The following GRM5 variants were observed in gnomAD, a reference collection of about 807,000 sequenced individuals.
GRM5 encodes metabotropic glutamate receptor 5.
A neutral mutation model predicts 83.1 loss-of-function variants in GRM5; 19 were observed. The ratio of observed to expected loss-of-function variants is 0.23; its 90% CI spans 0.16 to 0.34. The LOEUF (loss-of-function observed/expected upper bound fraction) is 0.34, where lower values mean the gene tolerates loss of function less well. Ranked by LOEUF, GRM5 falls within the 10% of genes least tolerant of loss-of-function variation. The pLI is 1.00. For synonymous variants in GRM5, 675 were observed against 633.6 expected (o/e 1.07, Z -0.98); for missense variants, 1,160 against 1,588.3 (o/e 0.73, Z 4.58).
At chr11:88,999,514 A>G (rs2135065876) in intron 2 of GRM5, among the ~76,000 whole-genome samples, 1 of 152,318 alleles carries the variant, frequency 6.6e-6, no homozygotes, top group East Asian at 1.9e-4. Flanking sequence ...CCATCAGAGA[A>G]ATGTAAATGA....
At chr11:88,683,201 A>C (rs550135189) in intron 3 of GRM5, among the ~76,000 whole-genome samples, 1 of 152,286 alleles carries the variant, frequency 6.6e-6, no homozygotes, top group Non-Finnish European at 1.5e-5. Flanking sequence ...TTGTCCCCAC[A>C]AGGCAGTGCA....
At chr11:88,692,242 C>T (rs1565189017) in intron 3 of GRM5, among the ~76,000 whole-genome samples, 1 of 152,172 alleles carries the variant, frequency 6.6e-6, no homozygotes, top group African/African-American at 2.4e-5. Flanking sequence ...ATTTTCTGAT[C>T]TGTCATTCAT....
chr11:88,513,047 C>T (rs977196820), intron 9 of GRM5, among the ~76,000 whole-genome samples: 1 of 152,184 alleles, frequency 6.6e-6, no homozygotes, highest in Non-Finnish European at 1.5e-5. Context: ...CAAATGCTTT[C>T]TCATTGTGCT....
At chr11:88,950,055 T>C (rs1426811918) in intron 2 of GRM5, among the ~76,000 whole-genome samples, 1 of 150,956 alleles carries the variant, frequency 6.6e-6, no homozygotes. Context: ...TTTTGTATTT[T>C]AGTAGAGGTG....
At chr11:88,797,235 C>A (rs1004514450) in intron 3 of GRM5, among the ~76,000 whole-genome samples, 3 of 151,958 alleles carry the variant, frequency 2.0e-5, no homozygotes, top group Non-Finnish European at 4.4e-5. Flanking sequence ...CTGCAACCTC[C>A]GCCTCCTGGG....
chr11:88,686,491 C>A (rs1035346893), intron 3 of GRM5, among the ~76,000 whole-genome samples: 1 of 152,000 alleles, frequency 6.6e-6, no homozygotes, highest in African/African-American at 2.4e-5. Context: ...AGGGAAGACA[C>A]GCTTGGTTTT....
chr11:89,052,713 A>G (rs966426557), intron 1 of GRM5, among the ~76,000 whole-genome samples: 3 of 152,166 alleles, frequency 2.0e-5, no homozygotes, highest in African/African-American at 7.2e-5. Context: ...GAATAGTTAC[A>G]TTACACTTAC....
chr11:88,984,259 T>C lies in GRM5; in HGVS notation c.661+62953A>G, dbSNP rs184467882. On this transcript the variant is annotated intron_variant, in intron 2 of 9. Coordinates refer to ENST00000305447, the MANE Select transcript of GRM5 (RefSeq NM_001143831.3). ...AGCTTCATTCATGGTAAATGACCTATACGGGTGTACCATTTTTTATCTTTT... is the reference window on the plus strand; with the variant it reads ...AGCTTCATTCATGGTAAATGACCTACACGGGTGTACCATTTTTTATCTTTT... Among the ~76,000 whole-genome samples, 12 of 152,316 alleles carry C rather than the reference T, an allele frequency of 7.9e-5. No individual in the cohort carries two copies. In the East Asian group the frequency reaches 1.7e-3, roughly 22 times the overall value.
chr11:88,623,924 C>T (rs1938714325), intron 4 of GRM5, among the ~76,000 whole-genome samples: 1 of 152,120 alleles, frequency 6.6e-6, no homozygotes, highest in South Asian at 2.1e-4. Context: ...CTAAAAAAGT[C>T]AAACTAAAAT....
chr11:88,925,732 C>CA (rs989968462), intron 2 of GRM5: 3 of 453,274 alleles, frequency 6.6e-6, no homozygotes, highest in African/African-American at 6.0e-5. Context: ...GCCAAGATGA[C>CA]AAAACCACAA....
chr11:88,933,755 A>G (rs1331447464), intron 2 of GRM5, among the ~76,000 whole-genome samples: 1 of 151,862 alleles, frequency 6.6e-6, no homozygotes, highest in Non-Finnish European at 1.5e-5. Context: ...AATGTTACTT[A>G]ATTCATTCAT....
At chr11:88,833,635 G>T (rs1464778805) in intron 3 of GRM5, among the ~76,000 whole-genome samples, 1 of 152,108 alleles carries the variant, frequency 6.6e-6, no homozygotes, top group East Asian at 1.9e-4. Flanking sequence ...CTGAAGAAAA[G>T]GAAATCAGTA....
rs139898033 is a variant in GRM5 at position 88,567,556 on chromosome 11, A to T, written c.2127T>A (p.Val709=). The T allele has an allele frequency of 6.3e-4, 1,021 of 1,614,122 alleles. 8 individuals are homozygous for T. The African/African-American group carries it at 0.012, about 19-fold the overall frequency. ...ILICIQLGII[V]ALFIMEPPDI... ...CAGGAGGCTCCATTATAAAGAGGGC[A>T]ACGATGATGCCCAACTGGATGCATA... Residue 709 remains valine, a synonymous_variant, in exon 8 of 10, where the codon GTT becomes GTA. Coordinates refer to ENST00000305447, the MANE Select transcript of GRM5 (RefSeq NM_001143831.3). This position sits in a 1 kb window ranked among gnomAD's most constrained non-coding sequence, Gnocchi z 7.3.
chr11:88,524,102 T>TC (rs1389963325), intron 9 of GRM5: 1 of 152,172 alleles, frequency 6.6e-6, no homozygotes, highest in African/African-American at 2.4e-5. Context: ...GGCAAGTGAC[T>TC]CCTCAACTCA....
chr11:88,672,496 G>A (rs1261142616), intron 3 of GRM5, among the ~76,000 whole-genome samples: 1 of 151,818 alleles, frequency 6.6e-6, no homozygotes, highest in Non-Finnish European at 1.5e-5. Context: ...CGAGAAATTG[G>A]GCCCATGTCT....
chr11:88,845,097 C>T (rs1292705716), intron 3 of GRM5, among the ~76,000 whole-genome samples: 2 of 152,142 alleles, frequency 1.3e-5, no homozygotes, highest in Non-Finnish European at 2.9e-5. Context: ...GGGTAAAATG[C>T]CATCAAACAA....
Position 89,047,914 on chromosome 11 carries a change from G to GA in GRM5, c.-43dup. The GA allele has an allele frequency of 6.7e-7, 1 of 1,498,808 alleles. No individual in the cohort carries two copies. The allele number at this position is 1,498,808 out of a possible 1,614,324, so 92.8% of individuals were successfully genotyped here. A position where few individuals can be genotyped will look rare whatever the true frequency, so the allele number is the denominator to read the frequency against. On this transcript the variant is annotated 5_prime_UTR_variant, in exon 2 of 10. Coordinates refer to ENST00000305447, the MANE Select transcript of GRM5 (RefSeq NM_001143831.3). This position sits in a 1 kb window ranked among gnomAD's most constrained non-coding sequence, Gnocchi z 5.1. ...AAGCCAATAAAGATAGCATGGTGGGGAAAATTCAGGAGGGTTCTGATAGCT... is the reference window on the plus strand; with the variant it reads ...AAGCCAATAAAGATAGCATGGTGGGGAAAAATTCAGGAGGGTTCTGATAGCT...
chr11:88,778,535 C>A (rs11021297), intron 3 of GRM5, among the ~76,000 whole-genome samples: 12,492 of 152,200 alleles, frequency 0.082, 876 homozygotes, highest in Admixed American at 0.18. Flanking sequence ...TCTTCTGCAT[C>A]GATCACATTA....
intron 8 of GRM5, among the ~76,000 whole-genome samples, chr11:88,552,342 A>C (rs1029153978): frequency 6.6e-6 from 1 of 152,064 alleles, no homozygotes; most frequent in Non-Finnish European, 1.5e-5. Context: ...TATCATTTTT[A>C]TGGTTATGGA....
Sources: allele counts gnomAD v4.1 joint callset (sites outside exome capture counted in the v4.1 genomes callset), GRCh38; gene constraint gnomAD v4.1.1; non-coding constraint Gnocchi (gnomAD v3.1); transcripts MANE v1.5; gene names NCBI Gene and HGNC (gene_info 2026-07-23, HGNC 2026-07-21).